RGS12: variants seen among roughly 807,000 people sequenced by gnomAD.
RGS12 encodes regulator of G protein signaling 12, also known as regulator of G-protein signaling 12.
In RGS12, 66 loss-of-function variants were observed where a neutral mutation model predicts 120.1. The observed-to-expected ratio is 0.55, with a 90% confidence interval of 0.45 to 0.67. The LOEUF is 0.67. Among genes scored for constraint, RGS12 ranks in the 30% least tolerant of loss-of-function variants. RGS12 has a pLI of 0.00. For synonymous variants in RGS12, 827 were observed against 804.7 expected, an observed-to-expected ratio of 1.03 and a Z score of -0.47; for missense variants, 1,859 against 1,957.7, an observed-to-expected ratio of 0.95 and a Z score of 0.95.
At chr4:3,415,399 T>C (rs985919436) in intron 6 of RGS12, among the ~76,000 whole-genome samples, 15 of 152,260 alleles carry the variant, frequency 9.9e-5, no homozygotes, top group Non-Finnish European at 2.1e-4. Flanking sequence ...GCCACAGCTT[T>C]CACAGCAGAT....
chr4:3,420,587 T>A, intron 9 of RGS12, 55 bp from the exon 10 acceptor site: 1 of 1,574,436 alleles, frequency 6.4e-7, no homozygotes, highest in Non-Finnish European at 8.7e-7. Context: ...TTGGGAGATG[T>A]GACCGAATAA....
intron 2 of RGS12, among the ~76,000 whole-genome samples, chr4:3,321,833 A>C (rs1241340484): frequency 1.3e-5 from 2 of 152,242 alleles, no homozygotes; most frequent in African/African-American, 2.4e-5. Context: ...AACAATCTTC[A>C]GCATTCCCTC....
chr4:3,415,523 C>T (rs892766488), intron 6 of RGS12, among the ~76,000 whole-genome samples: 9 of 152,194 alleles, frequency 5.9e-5, no homozygotes, highest in Non-Finnish European at 1.2e-4. Flanking sequence ...GCTCCTCCTG[C>T]GCCTCGTGGG....
chr4:3,439,784 T>C lies in RGS12; in HGVS notation c.*100T>C. ...GGGGGCCACCCTGGCCACCACACCC[T>C]CAGGAGCCCAGCCAGGAGGGCAGGG... On this transcript the variant is annotated 3_prime_UTR_variant, in exon 18 of 18. Transcript: ENST00000336727. The C allele has an allele frequency of 8.4e-7, 1 of 1,188,608 alleles. No individual in the cohort carries two copies. The allele number at this position is 1,188,608 out of a possible 1,614,324, so 73.6% of individuals were successfully genotyped here.
rs775090655 is a variant in RGS12, at chr4:3,429,818, T to C, written c.3566-589T>C. 1.1e-3 allele frequency among the ~76,000 whole-genome samples: 162 copies of C among 152,280 alleles called. 2 individuals are homozygous for C. The Middle Eastern group carries it at 0.014, about 13-fold the overall frequency. On this transcript the variant is annotated intron_variant, in intron 16 of 17. Transcript: ENST00000336727. ...AGAGGGAGAGCACGTGTTGCCCCCC[T>C]CTGCCCTAGGCCTGGGAGGACCACC...
intron 3 of RGS12, among the ~76,000 whole-genome samples, chr4:3,369,698 TTTTC>T (rs1716763683): frequency 6.6e-6 from 1 of 152,232 alleles, no homozygotes; most frequent in African/African-American, 2.4e-5. Context: ...ATAGTTTTCT[TTTTC>T]TTTCCTCCTT....
At chr4:3,301,183 G>A (rs1296943170) in intron 1 of RGS12, among the ~76,000 whole-genome samples, 1 of 151,746 alleles carries the variant, frequency 6.6e-6, no homozygotes, top group African/African-American at 2.4e-5. Context: ...TCTGTAACAC[G>A]GGGTCTGTCC....
Position 3,365,245 on chromosome 4 carries a change from T to A in RGS12, c.1999-21171T>A, listed in dbSNP as rs1716180565. 6.6e-6 allele frequency among the ~76,000 whole-genome samples: 1 copy of A among 152,184 alleles called. No individual in the cohort carries two copies. The highest frequency in any genetic ancestry group is 2.1e-4 in the South Asian group (1 of 4,834). ...TCTTGTAAATAGAGTCTCCCTGGGC[T>A]GCAGTTCCGTCTGCTGTTTTCATGC... On this transcript the variant is annotated intron_variant, in intron 3 of 17. Transcript: ENST00000336727. The surrounding 1 kb of genome is among the most constrained non-coding windows in gnomAD (Gnocchi z 4.0).
At chr4:3,325,900 A>G (rs1023738922) in intron 2 of RGS12, among the ~76,000 whole-genome samples, 1 of 152,254 alleles carries the variant, frequency 6.6e-6, no homozygotes, top group Non-Finnish European at 1.5e-5. Flanking sequence ...AATGTGATAT[A>G]TCCCATAAAT....
intron 3 of RGS12, chr4:3,378,043 A>G (rs1471535010): frequency 6.6e-6 from 1 of 152,190 alleles, no homozygotes; most frequent in African/African-American, 2.4e-5. Context: ...TATAATGTGT[A>G]TATATGGAAA....
chr4:3,434,121 C>A (rs934799599), intron 17 of RGS12, among the ~76,000 whole-genome samples: 1 of 152,240 alleles, frequency 6.6e-6, no homozygotes, highest in Non-Finnish European at 1.5e-5. Context: ...AATTGACCCA[C>A]AGTTCTGCAT....
intron 6 of RGS12, 47 bp from the exon 7 acceptor site, chr4:3,415,931 C>A (rs763251116): frequency 5.1e-6 from 8 of 1,563,448 alleles, no homozygotes; most frequent in Non-Finnish European, 6.9e-6. Flanking sequence ...AGCAGGAGTG[C>A]GGGGAGAGGA....
chr4:3,351,362 T>A (rs1433448933), intron 3 of RGS12, among the ~76,000 whole-genome samples: 1 of 152,216 alleles, frequency 6.6e-6, no homozygotes, highest in Non-Finnish European at 1.5e-5. Flanking sequence ...TTTAACCTGT[T>A]TGATCTGACA....
intron 17 of RGS12, among the ~76,000 whole-genome samples, chr4:3,436,623 G>C (rs1293869259): frequency 6.6e-6 from 1 of 152,212 alleles, no homozygotes; most frequent in Admixed American, 6.5e-5. Flanking sequence ...TGCCTGCCAG[G>C]GTTCCTGACT....
intron 3 of RGS12, chr4:3,385,009 A>G (rs565424796): frequency 1.6e-4 from 25 of 152,478 alleles, no homozygotes; most frequent in Middle Eastern, 3.4e-3. Flanking sequence ...AAACCCATAC[A>G]GTGTGTGTCC....
At position 3,317,864 on chromosome 4, in the gene RGS12, C is replaced by G; in HGVS notation, c.1694C>G (p.Ser565Cys). Residue 565 changes from serine to cysteine, a missense_variant, in exon 2 of 18, where the codon TCC (serine) becomes TGC (cysteine). Around this residue, in one of 3 missense-constraint regions of RGS12, gnomAD observed 967 missense variants for 994.2 expected, o/e 0.97. Transcript: ENST00000336727. ...DSYTDSTDGW[S>C]SINCGTLPPP... ...TACACAGATTCCACCGATGGCTGGT[C>G]CAGCATCAACTGCGGCACACTGCCC... 1.2e-6 allele frequency: 2 copies of G among 1,613,716 alleles called. No homozygotes were observed. Among genetic ancestry groups the G allele is most frequent in the Non-Finnish European group, 1.7e-6 (2 of 1,179,946 alleles).
intron 17 of RGS12, among the ~76,000 whole-genome samples, chr4:3,435,194 G>A (rs1724690067): frequency 1.3e-5 from 2 of 152,144 alleles, no homozygotes; most frequent in East Asian, 3.9e-4. Flanking sequence ...CCTGCCAGAT[G>A]TGCGATGTTT....
At chr4:3,289,177 A>T (rs1319564884), upstream of RGS12, among the ~76,000 whole-genome samples, 1 of 152,158 alleles carries the variant, frequency 6.6e-6, no homozygotes, top group Non-Finnish European at 1.5e-5. Flanking sequence ...TAAAACACAC[A>T]TGACGTACAA....
chr4:3,293,999 G>T (rs1332091536), intron 1 of RGS12, among the ~76,000 whole-genome samples: 1 of 150,662 alleles, frequency 6.6e-6, no homozygotes, highest in African/African-American at 2.5e-5. Flanking sequence ...ACACAGAGGG[G>T]GCCCAGAGCC....
Sources: allele counts gnomAD v4.1 joint callset (sites outside exome capture counted in the v4.1 genomes callset), GRCh38; gene constraint gnomAD v4.1.1; regional missense constraint gnomAD v4.1.1; non-coding constraint Gnocchi (gnomAD v3.1); transcripts MANE v1.5; gene names NCBI Gene and HGNC (gene_info 2026-07-23, HGNC 2026-07-21).